Variants in ZRANB1 observed in about 807,000 individuals in gnomAD.
The protein encoded by ZRANB1 is ubiquitin thioesterase ZRANB1.
A neutral mutation model predicts 80.5 loss-of-function variants in ZRANB1; 16 were observed. The ratio of observed to expected loss-of-function variants is 0.20; its 90% CI spans 0.13 to 0.30. The LOEUF is 0.30. ZRANB1 is among the 10% of genes least tolerant of loss of function. The pLI is 1.00. For synonymous variants in ZRANB1, 291 were observed against 293.1 expected (o/e 0.99, Z 0.07); for missense variants, 576 against 862.6 (o/e 0.67, Z 4.16).
intron 2 of ZRANB1, among the ~76,000 whole-genome samples, chr10:124,969,144 C>CA (rs1951799668): frequency 6.6e-6 from 1 of 152,206 alleles, no homozygotes; most frequent in South Asian, 2.1e-4. Flanking sequence ...GTTTTACCCC[C>CA]AACAAGTGAT....
the ZRANB1 span, among the ~76,000 whole-genome samples, chr10:124,922,287 T>C: frequency 1.8e-5 from 2 of 113,006 alleles, no homozygotes; most frequent in Non-Finnish European, 3.9e-5. Context: ...GTAAAATATA[T>C]ATATATATGT....
chr10:124,956,121 C>T (rs1951685956), intron 1 of ZRANB1, among the ~76,000 whole-genome samples: 2 of 152,078 alleles, frequency 1.3e-5, no homozygotes, highest in Admixed American at 6.5e-5. Context: ...GACTATGTCG[C>T]GTGATTCTTG....
intron 3 of ZRANB1, among the ~76,000 whole-genome samples, chr10:124,973,336 G>A (rs1013725022): frequency 4.6e-5 from 7 of 151,868 alleles, no homozygotes; most frequent in Non-Finnish European, 8.8e-5. Flanking sequence ...TATATTTTTT[G>A]TATAGAGACA....
chr10:124,937,791 A>T (rs1951501478), upstream of ZRANB1, among the ~76,000 whole-genome samples: 1 of 152,228 alleles, frequency 6.6e-6, no homozygotes, highest in Non-Finnish European at 1.5e-5. Flanking sequence ...TAAATGGTTG[A>T]TATATTTAGA....
Position 124,943,217 on chromosome 10 carries a change from A to C in ZRANB1, c.724A>C (p.Lys242Gln), listed in dbSNP as rs1437064596. 1 of 1,614,200 alleles carries C rather than the reference A, an allele frequency of 6.2e-7. No homozygotes were observed. Among genetic ancestry groups the C allele is most frequent in the Admixed American group, 1.7e-5 (1 of 60,032 alleles). ...RIELAGAVGS[K>Q]EELEVDFKKL... ...TGAATTGGCTGGTGCTGTGGGAAGC[A>C]AGGAGGAACTTGAAGTAGACTTTAA... The change falls in exon 1 of 9, where the codon AAG becomes CAG. Residue 242 changes from lysine to glutamine, a missense_variant. Lys to Gln is a moderately conservative substitution (Grantham distance 53). Transcript: ENST00000359653.
intron 5 of ZRANB1, among the ~76,000 whole-genome samples, chr10:124,975,702 C>A (rs1951871091): frequency 6.6e-6 from 1 of 152,094 alleles, no homozygotes; most frequent in Admixed American, 6.5e-5. Context: ...AATTGTAGAT[C>A]AAAGCATAAT....
chr10:124,922,084 G>GT, the ZRANB1 span, among the ~76,000 whole-genome samples: 1 of 151,462 alleles, frequency 6.6e-6, no homozygotes, highest in African/African-American at 2.4e-5. Context: ...TGGAACTATA[G>GT]GTGTGTACCA....
chr10:124,975,298 G>A (rs1308119000), intron 5 of ZRANB1, among the ~76,000 whole-genome samples: 4 of 152,146 alleles, frequency 2.6e-5, no homozygotes, highest in Non-Finnish European at 5.9e-5. Context: ...TGCCACACCT[G>A]CTCCATGTCT....
chr10:124,981,131 T>A (rs1274691868), intron 5 of ZRANB1, among the ~76,000 whole-genome samples: 1 of 152,246 alleles, frequency 6.6e-6, no homozygotes, highest in Non-Finnish European at 1.5e-5. Flanking sequence ...AGACAAAGAA[T>A]CGATGTGTTT....
At chr10:124,928,217 G>C in the ZRANB1 span, among the ~76,000 whole-genome samples, 1 of 152,148 alleles carries the variant, frequency 6.6e-6, no homozygotes, top group Non-Finnish European at 1.5e-5. Context: ...CCTGTTACGA[G>C]TGAAGGCATG....
intron 2 of ZRANB1, among the ~76,000 whole-genome samples, chr10:124,967,802 C>G (rs1010507157): frequency 6.6e-6 from 1 of 151,982 alleles, no homozygotes; most frequent in South Asian, 2.1e-4. Flanking sequence ...TAAGTTGATT[C>G]TTCAGTTTCT....
At chr10:124,920,364 C>T in the ZRANB1 span, among the ~76,000 whole-genome samples, 3 of 152,310 alleles carry the variant, frequency 2.0e-5, no homozygotes, top group African/African-American at 7.2e-5. Context: ...CCACTTATGC[C>T]TTATGCCTTG....
intron 5 of ZRANB1, chr10:124,981,497 G>T: frequency 2.7e-6 from 1 of 365,910 alleles, no homozygotes; most frequent in Non-Finnish European, 4.7e-6. Flanking sequence ...ATCAAATTCT[G>T]ACTAAAGATG....
Position 124,987,868 on chromosome 10 carries a change from T to TAG in ZRANB1, c.*2877_*2878insGA. 1 of 152,374 alleles carries TAG rather than the reference T, an allele frequency of 6.6e-6. No individual in the cohort carries two copies. The highest frequency in any genetic ancestry group is 2.1e-4 in the South Asian group (1 of 4,830). The allele number at this position is 152,374 out of a possible 1,614,324, so 9.4% of individuals were successfully genotyped here. ...TGCAAATACTTTTAGTATAAAGGTT[T>TAG]AATTCTATTTAAAAAGAAGATCCAT... On this transcript the variant is annotated 3_prime_UTR_variant, in exon 9 of 9. Transcript: ENST00000359653.
intron 5 of ZRANB1, among the ~76,000 whole-genome samples, chr10:124,978,928 G>A (rs1951907463): frequency 1.1e-5 from 1 of 94,214 alleles, no homozygotes; most frequent in African/African-American, 4.1e-5. Context: ...GCCGGGCCTG[G>A]TGGTTCAGGC....
intron 1 of ZRANB1, among the ~76,000 whole-genome samples, chr10:124,965,433 C>G (rs1301683451): frequency 6.6e-6 from 1 of 152,114 alleles, no homozygotes; most frequent in Non-Finnish European, 1.5e-5. Context: ...TATTGCCTGG[C>G]AAGGCGTTCC....
Position 124,974,268 on chromosome 10 carries a change from T to C in ZRANB1, c.1297T>C (p.Tyr433His), listed in dbSNP as rs1224358489. The C allele has an allele frequency of 1.9e-6, 3 of 1,614,146 alleles. No individual in the cohort carries two copies. The highest frequency in any genetic ancestry group is 2.7e-5 in the African/African-American group (2 of 74,956). ...GGCTACACGTTTGGACAGTCGACTGTATGCACTTTGGAACCGGACTGCAGG... is the reference window on the plus strand; with the variant it reads ...GGCTACACGTTTGGACAGTCGACTGCATGCACTTTGGAACCGGACTGCAGG... ...ELATRLDSRLYALWNRTAGDC... is the reference protein window; with the variant it reads ...ELATRLDSRLHALWNRTAGDC... The change falls in exon 5 of 9, where the codon TAT becomes CAT. Residue 433 changes from tyrosine to histidine, a missense_variant. Physicochemically the swap from Tyr to His is moderately conservative, Grantham distance 83. Transcript: ENST00000359653.
the ZRANB1 span, among the ~76,000 whole-genome samples, chr10:124,923,257 G>A: frequency 3.3e-5 from 5 of 151,210 alleles, no homozygotes; most frequent in African/African-American, 4.9e-5. Context: ...CAGCCTGGGC[G>A]ACAGAGCAAG....
At chr10:124,917,197 G>C in the ZRANB1 span, 3 of 172,120 alleles carry the variant, frequency 1.7e-5, no homozygotes, top group African/African-American at 7.3e-5. Flanking sequence ...CGCCGCCGCC[G>C]CCGCCGCCGC....
Sources: gnomAD v4.1 joint callset for allele counts (sites outside exome capture counted in the v4.1 genomes callset) on GRCh38, gnomAD v4.1.1 for gene constraint, MANE v1.5 for transcripts, NCBI Gene and HGNC (gene_info 2026-07-23, HGNC 2026-07-21) for gene names.